WNT7B: variants seen among roughly 807,000 people sequenced by gnomAD.
WNT7B encodes the protein protein Wnt-7b.
A neutral mutation model predicts 38.2 loss-of-function variants in WNT7B; 19 were observed. The ratio of observed to expected loss-of-function variants is 0.50; its 90% confidence interval spans 0.35 to 0.73. The LOEUF (loss-of-function observed/expected upper bound fraction) is 0.73. Ranked by LOEUF, WNT7B falls within the 30% of genes least tolerant of loss-of-function variation. The pLI, the probability that WNT7B is intolerant of heterozygous loss-of-function variation, is 0.01. For synonymous variants in WNT7B, 243 were observed against 209.3 expected (o/e 1.16, Z -1.39); for missense variants, 423 against 507.9 (o/e 0.83, Z 1.61).
chr22:45,936,799 T>C (rs960651159), intron 2 of WNT7B, among the ~76,000 whole-genome samples: 2 of 152,224 alleles, frequency 1.3e-5, no homozygotes, highest in East Asian at 3.9e-4. Flanking sequence ...CAGATCTTTG[T>C]GAGCAGCTTC....
Position 45,923,172 on chromosome 22 carries a change from C to T in WNT7B, c.734G>A (p.Arg245His), listed in dbSNP as rs773462729. The change falls in exon 4 of 4, where the codon CGT (arginine) becomes CAT (histidine). Residue 245 changes from arginine (R) to histidine (H), a missense_variant. Arg to His is a conservative substitution (Grantham distance 29, BLOSUM62 0). Coordinates refer to ENST00000339464, the MANE Select transcript of WNT7B (RefSeq NM_058238.3). ...AVQVEVVRAS[R>H]LRQPTFLRIK... ...GCGCAGGAAGGTGGGCTGCCGCAGA[C>T]GGCTGGCCCGCACCACCTCCACCTG... The T allele has an allele frequency of 3.7e-6, 6 of 1,613,180 alleles. No individual in the cohort carries two copies. Among genetic ancestry groups the T allele is most frequent in the Middle Eastern group, 1.6e-4 (1 of 6,062 alleles).
At chr22:45,934,709 C>T (rs1364650496) in intron 2 of WNT7B, among the ~76,000 whole-genome samples, 1 of 152,242 alleles carries the variant, frequency 6.6e-6, no homozygotes, top group Non-Finnish European at 1.5e-5. Context: ...CGCCTGCTCT[C>T]ACCTGGCTAT....
chr22:45,966,372 A>C lies in WNT7B; in HGVS notation c.71+10312T>G, dbSNP rs942891999. On this transcript the variant is annotated intron_variant, in intron 1 of 3. Transcript: ENST00000339464. The surrounding 1 kb of genome is among the most constrained non-coding windows in gnomAD (Gnocchi z 4.2). ...CGCCAATACCCACTGCGCGGAGGCC[A>C]GCTGAGACACCACCAGTCCTTGTGC... 3.9e-5 allele frequency among the ~76,000 whole-genome samples: 6 copies of C among 152,230 alleles called. No individual in the cohort carries two copies. The highest frequency in any genetic ancestry group is 1.4e-4 in the African/African-American group (6 of 41,464).
chr22:45,928,695 C>G (rs1931178555), intron 3 of WNT7B, among the ~76,000 whole-genome samples: 1 of 152,190 alleles, frequency 6.6e-6, no homozygotes, highest in African/African-American at 2.4e-5. Flanking sequence ...AAGTCCCACA[C>G]CAAGTCAGCC....
At chr22:45,953,480 A>G (rs1931986587) in intron 1 of WNT7B, among the ~76,000 whole-genome samples, 1 of 152,250 alleles carries the variant, frequency 6.6e-6, no homozygotes, top group Non-Finnish European at 1.5e-5. Flanking sequence ...TGTGGAATAG[A>G]TAAATGAGTA....
intron 2 of WNT7B, among the ~76,000 whole-genome samples, chr22:45,937,173 G>C (rs1240454447): frequency 6.6e-6 from 1 of 152,212 alleles, no homozygotes; most frequent in Non-Finnish European, 1.5e-5. Context: ...GCCCAGAGGT[G>C]GGCAGCATGC....
At chr22:45,927,114 G>C in intron 3 of WNT7B, 1 of 984,582 alleles carries the variant, frequency 1.0e-6, no homozygotes, top group African/African-American at 1.7e-5. Context: ...GCCTTCACTG[G>C]GTTGGTCTTG....
intron 2 of WNT7B, among the ~76,000 whole-genome samples, chr22:45,946,138 C>T (rs1192536727): frequency 6.6e-6 from 1 of 152,176 alleles, no homozygotes; most frequent in Non-Finnish European, 1.5e-5. Context: ...CTCAGAATCT[C>T]CTATGCCTTC....
chr22:45,943,034 CGCGTGTGT>C (rs1038495463), intron 2 of WNT7B, among the ~76,000 whole-genome samples: 11 of 149,444 alleles, frequency 7.4e-5, no homozygotes, highest in Admixed American at 7.1e-4. Context: ...TATGTGTGTG[CGCGTGTGT>C]GCAGCATGCA....
chr22:45,936,711 G>A (rs1217384224), intron 2 of WNT7B, among the ~76,000 whole-genome samples: 2 of 152,246 alleles, frequency 1.3e-5, no homozygotes, highest in Non-Finnish European at 2.9e-5. Flanking sequence ...CAGGGAAGGG[G>A]GTGTGTGCTG....
chr22:45,928,933 C>T (rs1931191923), intron 3 of WNT7B, among the ~76,000 whole-genome samples: 2 of 152,088 alleles, frequency 1.3e-5, no homozygotes, highest in South Asian at 4.2e-4. Context: ...AGTGCTCTTG[C>T]CCGCATCTCT....
intron 1 of WNT7B, chr22:45,972,855 T>G (rs1176454904): frequency 6.6e-6 from 1 of 152,540 alleles, no homozygotes; most frequent in Non-Finnish European, 1.5e-5. Flanking sequence ...CGTGTGTGCA[T>G]GCATGTGCCT....
chr22:45,958,597 A>G (rs1161300487), intron 1 of WNT7B, among the ~76,000 whole-genome samples: 2 of 152,178 alleles, frequency 1.3e-5, no homozygotes, highest in African/African-American at 4.8e-5. Context: ...GGTGACAACA[A>G]TCATGATTAC....
chr22:45,957,940 C>T (rs1167810605), intron 1 of WNT7B, among the ~76,000 whole-genome samples: 1 of 152,210 alleles, frequency 6.6e-6, no homozygotes, highest in Non-Finnish European at 1.5e-5. Context: ...CCCCACCAGG[C>T]CCTCAGCCTC....
At chr22:45,943,909 G>A (rs1931731959) in intron 2 of WNT7B, among the ~76,000 whole-genome samples, 2 of 152,250 alleles carry the variant, frequency 1.3e-5, no homozygotes, top group South Asian at 2.1e-4. Flanking sequence ...TACCCACCCC[G>A]GGGTCTGTGT....
chr22:45,976,649 C>T lies in WNT7B; in HGVS notation c.71+35G>A, dbSNP rs373767884. On this transcript the variant is annotated intron_variant, in intron 1 of 3. Transcript: ENST00000339464. The surrounding 1 kb of genome is among the most constrained non-coding windows in gnomAD (Gnocchi z 8.5). ...AGGCAGCTCCTTCGTGCTGTCTTGG[C>T]CCCTGGCTGCTGCCCTCGCCCACGG... 8.2e-6 allele frequency: 13 copies of T among 1,594,864 alleles called. No individual in the cohort carries two copies. Among genetic ancestry groups the T allele is most frequent in the African/African-American group, 1.3e-5 (1 of 74,104 alleles).
intron 2 of WNT7B, among the ~76,000 whole-genome samples, chr22:45,935,431 G>A (rs1032528029): frequency 2.6e-5 from 4 of 152,210 alleles, no homozygotes; most frequent in African/African-American, 9.7e-5. Context: ...CCTGAATAAA[G>A]GACCTGCTGG....
intron 3 of WNT7B, among the ~76,000 whole-genome samples, chr22:45,928,863 C>T (rs1395758734): frequency 1.1e-5 from 1 of 90,542 alleles, no homozygotes; most frequent in Non-Finnish European, 2.5e-5. Context: ...ATACCGCATA[C>T]CACGACATAC....
chr22:45,943,088 C>T (rs575498162), intron 2 of WNT7B, among the ~76,000 whole-genome samples: 24 of 151,698 alleles, frequency 1.6e-4, no homozygotes, highest in East Asian at 3.9e-4. Context: ...CACGTGTGTG[C>T]GTGTGTTTGT....
Sources: allele counts gnomAD v4.1 joint callset (sites outside exome capture counted in the v4.1 genomes callset), GRCh38; gene constraint gnomAD v4.1.1; non-coding constraint Gnocchi (gnomAD v3.1); transcripts MANE v1.5; gene names NCBI Gene and HGNC (gene_info 2026-07-23, HGNC 2026-07-21).